EYA4: variants seen among roughly 807,000 people sequenced by gnomAD.
EYA4 encodes EYA transcriptional coactivator and phosphatase 4.
In EYA4, 31 loss-of-function variants were observed where a neutral mutation model predicts 87.9. The observed-to-expected ratio is 0.35, with a 90% CI of 0.27 to 0.48. EYA4 has a LOEUF of 0.48. EYA4 is among the 20% of genes least tolerant of loss of function. The pLI is 0.99. For synonymous variants in EYA4, 263 were observed against 270.6 expected, an observed-to-expected ratio of 0.97 and a Z score of 0.28; for missense variants, 678 against 761.4, an observed-to-expected ratio of 0.89 and a Z score of 1.29.
chr6:133,387,706 A>T (rs1786872311), intron 3 of EYA4, among the ~76,000 whole-genome samples: 1 of 152,222 alleles, frequency 6.6e-6, no homozygotes, highest in Non-Finnish European at 1.5e-5. Flanking sequence ...ATATTCTAAT[A>T]GTTAAATATT....
At chr6:133,397,375 A>G (rs1279363791) in intron 3 of EYA4, among the ~76,000 whole-genome samples, 1 of 152,218 alleles carries the variant, frequency 6.6e-6, no homozygotes, top group Non-Finnish European at 1.5e-5. Context: ...CTACATTTCC[A>G]GCATCTTTTC....
intron 2 of EYA4, among the ~76,000 whole-genome samples, chr6:133,280,649 C>T (rs1777547931): frequency 6.6e-6 from 1 of 152,080 alleles, no homozygotes; most frequent in Non-Finnish European, 1.5e-5. Context: ...GCCTCGTTGG[C>T]CTCCCAAAGT....
At chr6:133,373,118 G>A (rs1185253277) in intron 2 of EYA4, among the ~76,000 whole-genome samples, 1 of 151,970 alleles carries the variant, frequency 6.6e-6, no homozygotes, top group Non-Finnish European at 1.5e-5. Flanking sequence ...GTAAATGATG[G>A]TGTACTAGAG....
At chr6:133,474,330 T>TA (rs1197553600) in intron 11 of EYA4, among the ~76,000 whole-genome samples, 1 of 152,090 alleles carries the variant, frequency 6.6e-6, no homozygotes, top group Non-Finnish European at 1.5e-5. Context: ...CACAGATGGT[T>TA]ACTTTCCTTA....
chr6:133,329,827 A>G (rs1781783133), intron 2 of EYA4, among the ~76,000 whole-genome samples: 1 of 152,118 alleles, frequency 6.6e-6, no homozygotes, highest in African/African-American at 2.4e-5. Flanking sequence ...CATAAGAACT[A>G]ATAAGAATTA....
intron 14 of EYA4, 146 bp from the exon 15 acceptor site, chr6:133,512,575 G>A: frequency 2.8e-6 from 2 of 721,198 alleles, no homozygotes; most frequent in Non-Finnish European, 5.0e-6. Context: ...CCCAACAGAA[G>A]AAAACAAGAG....
chr6:133,332,971 C>T (rs889287443), intron 2 of EYA4, among the ~76,000 whole-genome samples: 1 of 152,140 alleles, frequency 6.6e-6, no homozygotes, highest in East Asian at 1.9e-4. Context: ...TTAGATGTCA[C>T]TTCCACTGAG....
chr6:133,356,033 G>GAGAGAGAA (rs1161090276), intron 2 of EYA4, among the ~76,000 whole-genome samples: 19 of 144,176 alleles, frequency 1.3e-4, no homozygotes, highest in Admixed American at 5.6e-4. Context: ...GGTGGGGAGA[G>GAGAGAGAA]AGAGAGAAAG....
chr6:133,460,874 A>G (rs112206648), intron 6 of EYA4, among the ~76,000 whole-genome samples: 6 of 152,294 alleles, frequency 3.9e-5, no homozygotes, highest in African/African-American at 1.4e-4. Context: ...TAATGATTTG[A>G]GAAACTGGAA....
At chr6:133,415,506 TTC>T (rs1462650441) in intron 3 of EYA4, among the ~76,000 whole-genome samples, 2 of 152,070 alleles carry the variant, frequency 1.3e-5, no homozygotes, top group Non-Finnish European at 2.9e-5. Flanking sequence ...ACGCAGGCTG[TTC>T]TGTTTGGAAT....
At chr6:133,382,317 C>T (rs562556311) in intron 2 of EYA4, 75 bp from the exon 3 acceptor site, 70 of 1,032,232 alleles carry the variant, frequency 6.8e-5, no homozygotes, top group South Asian at 1.0e-4. Flanking sequence ...GAGCTATATC[C>T]GCTTTAATAG....
intron 2 of EYA4, 125 bp from the exon 3 acceptor site, chr6:133,382,267 G>A: frequency 1.3e-6 from 1 of 772,898 alleles, no homozygotes; most frequent in Non-Finnish European, 2.4e-6. Flanking sequence ...TGCTGCTGCT[G>A]TAAAGTGTGG....
intron 2 of EYA4, among the ~76,000 whole-genome samples, chr6:133,313,577 G>T (rs17242354): frequency 6.6e-6 from 1 of 152,120 alleles, no homozygotes; most frequent in Non-Finnish European, 1.5e-5. Context: ...TCTGTGCGAG[G>T]TTAGTTGTTG....
chr6:133,401,372 C>A (rs1788246188), intron 3 of EYA4, among the ~76,000 whole-genome samples: 1 of 109,694 alleles, frequency 9.1e-6, no homozygotes, highest in South Asian at 3.2e-4. Flanking sequence ...ATCTATTGTA[C>A]ATTTCAAAAT....
chr6:133,417,317 A>G (rs1222411366), intron 3 of EYA4, among the ~76,000 whole-genome samples: 1 of 152,152 alleles, frequency 6.6e-6, no homozygotes, highest in African/African-American at 2.4e-5. Flanking sequence ...GTTATGAGGC[A>G]CCTAGACAAG....
At chr6:133,254,955 A>G (rs1375557076) in intron 1 of EYA4, among the ~76,000 whole-genome samples, 1 of 152,214 alleles carries the variant, frequency 6.6e-6, no homozygotes, top group Non-Finnish European at 1.5e-5. Flanking sequence ...CTGGAATCAG[A>G]CTACCTTTGT....
chr6:133,305,890 T>C (rs758773761), intron 2 of EYA4, among the ~76,000 whole-genome samples: 2 of 152,186 alleles, frequency 1.3e-5, no homozygotes, highest in Non-Finnish European at 2.9e-5. Flanking sequence ...ATAAAATATG[T>C]AAGGAAAGAA....
intron 1 of EYA4, among the ~76,000 whole-genome samples, chr6:133,255,767 C>T (rs567317823): frequency 5.9e-5 from 9 of 151,968 alleles, no homozygotes; most frequent in Non-Finnish European, 7.4e-5. Context: ...GTTTTGGGTG[C>T]TTCTATTTAA....
chr6:133,271,652 A>G (rs550039973), intron 1 of EYA4, among the ~76,000 whole-genome samples: 7 of 152,314 alleles, frequency 4.6e-5, no homozygotes, highest in Admixed American at 3.3e-4. Context: ...GCTGCTGGCA[A>G]ATTGGGCACT....
Sources: allele counts gnomAD v4.1 joint callset (sites outside exome capture counted in the v4.1 genomes callset), GRCh38; gene constraint gnomAD v4.1.1; transcripts MANE v1.5; gene names NCBI Gene and HGNC (gene_info 2026-07-23, HGNC 2026-07-21).